Variants in GLYR1 observed in about 807,000 individuals in gnomAD.
GLYR1 encodes the protein cytokine-like nuclear factor N-PAC.
Under a neutral mutation model 72.7 loss-of-function variants are expected in GLYR1, and 21 were observed. The ratio of observed to expected loss-of-function variants is 0.29; its 90% CI spans 0.20 to 0.42. GLYR1 has a LOEUF of 0.42. GLYR1 is among the 10% of genes least tolerant of loss of function. The pLI is 1.00. For missense variants in GLYR1, 594 were observed against 712.1 expected (o/e 0.83, Z 1.89); for synonymous variants, 392 against 270.2 (o/e 1.45, Z -4.42).
At position 4,811,302 on chromosome 16, in the gene GLYR1, G is replaced by A; in HGVS notation, c.1463-8C>T. ...AGTTTCCTTGCAGGATATCTGAGGA[G>A]AAAAAGCCAGTATCAGACAAAAGCC... is the stretch of plus-strand genomic sequence containing the variant. On this transcript the variant is annotated splice_polypyrimidine_tract_variant and splice_region_variant and intron_variant, in intron 14 of 15. Transcript: ENST00000321919. The A allele has an allele frequency of 6.2e-7, 1 of 1,612,438 alleles. No individual in the cohort carries two copies. Among genetic ancestry groups the A allele is most frequent in the East Asian group, 2.2e-5 (1 of 44,874 alleles).
At chr16:4,827,537 C>G (rs1306128321) in intron 5 of GLYR1, among the ~76,000 whole-genome samples, 1 of 152,084 alleles carries the variant, frequency 6.6e-6, no homozygotes, top group Non-Finnish European at 1.5e-5. Flanking sequence ...ACAGACACAC[C>G]TCGTTTTATT....
rs1307246080 is a variant in GLYR1, at chr16:4,843,636, T to C, written c.155+1438A>G. ...ATGAAACCAGGAAGAGCATCTGACA[T>C]ATAAACTCCTGGATGAGTGAAGAAT... On this transcript the variant is annotated intron_variant, in intron 3 of 15. Transcript: ENST00000321919. 8 of 1,288,844 alleles carry C rather than the reference T, an allele frequency of 6.2e-6. No individual in the cohort carries two copies. The African/African-American group carries it at 1.2e-4, about 20-fold the overall frequency. 79.8% of individuals were successfully genotyped at this position (1,288,844 alleles called of 1,614,324 possible). A position where few individuals can be genotyped will look rare whatever the true frequency, so the allele number is the denominator to read the frequency against.
At chr16:4,832,531 A>T (rs1292967105) in intron 4 of GLYR1, 2 of 574,168 alleles carry the variant, frequency 3.5e-6, no homozygotes. Flanking sequence ...CTAGACTCAA[A>T]TGCTGAGATA....
rs1465352923 is a variant in GLYR1 at position 4,832,903 on chromosome 16, G to T, written c.165C>A (p.Ile55=). The change falls in exon 4 of 16, where the codon ATC becomes ATA. Residue 55 remains isoleucine (I), a synonymous_variant. Coordinates refer to ENST00000321919, the MANE Select transcript of GLYR1 (RefSeq NM_032569.4). ...GATATGGCTTCAGCTGTTCCACTTTGATCCAGGCACTAGCAGAAAACAAAC... is the reference window on the plus strand; with the variant it reads ...GATATGGCTTCAGCTGTTCCACTTTTATCCAGGCACTAGCAGAAAACAAAC... ...KFFGTEDHAW[I]KVEQLKPYHA... The T allele has an allele frequency of 1.2e-6, 2 of 1,610,458 alleles. No homozygotes were observed. Among genetic ancestry groups the T allele is most frequent in the Non-Finnish European group, 1.7e-6 (2 of 1,178,486 alleles).
intron 6 of GLYR1, among the ~76,000 whole-genome samples, chr16:4,823,257 T>C (rs1057443330): frequency 5.3e-5 from 8 of 152,248 alleles, no homozygotes; most frequent in Admixed American, 1.3e-4. Flanking sequence ...GCACAGCAGA[T>C]AACCCAGCAA....
chr16:4,832,702 A>G, intron 4 of GLYR1, 72 bp downstream of exon 4: 1 of 1,492,438 alleles, frequency 6.7e-7, no homozygotes, highest in African/African-American at 1.4e-5. Context: ...TTTGGGTGAC[A>G]TTTAATCTGT....
chr16:4,812,251 G>A lies in GLYR1; in HGVS notation c.1120-3C>T, dbSNP rs2083359469. ...CGCCCCCCCCTGGACACAATCACCTGGAAAGAAAAGTCACAGCTTCTGGAG... is the reference window on the plus strand; with the variant it reads ...CGCCCCCCCCTGGACACAATCACCTAGAAAGAAAAGTCACAGCTTCTGGAG... On this transcript the variant is annotated splice_region_variant and splice_polypyrimidine_tract_variant and intron_variant, in intron 12 of 15. Coordinates refer to ENST00000321919, the MANE Select transcript of GLYR1 (RefSeq NM_032569.4). 6.2e-7 allele frequency: 1 copy of A among 1,611,102 alleles called. No individual in the cohort carries two copies. The highest frequency in any genetic ancestry group is 8.5e-7 in the Non-Finnish European group (1 of 1,179,378).
At chr16:4,815,461 C>T (rs1218740449) in intron 10 of GLYR1, among the ~76,000 whole-genome samples, 2 of 152,332 alleles carry the variant, frequency 1.3e-5, no homozygotes, top group East Asian at 1.9e-4. Flanking sequence ...CTGTGATTTA[C>T]CTAATGGCTG....
intron 15 of GLYR1, among the ~76,000 whole-genome samples, chr16:4,805,822 A>T (rs2082935756): frequency 6.6e-6 from 1 of 151,838 alleles, no homozygotes; most frequent in South Asian, 2.1e-4. Context: ...AAAAAAAAAA[A>T]TACAAAAAAT....
chr16:4,822,154 T>C (rs1008052702), intron 7 of GLYR1, among the ~76,000 whole-genome samples: 48 of 152,202 alleles, frequency 3.2e-4, no homozygotes, highest in Non-Finnish European at 8.8e-5. Flanking sequence ...TGGCACCATC[T>C]CGGCTTGCTG....
rs962332286 is a variant in GLYR1, at chr16:4,821,312, T to TG, written c.806+67dup. Reference sequence around the variant, plus strand: ...GGACACAACCCTTAAAGAACCCCCCTGGGGTCACCTTCTCCCCACCCTCAG... The same window carrying TG: ...GGACACAACCCTTAAAGAACCCCCCTGGGGGTCACCTTCTCCCCACCCTCAG... On this transcript the variant is annotated intron_variant, in intron 9 of 15. Transcript: ENST00000321919. 9 of 1,529,890 alleles carry TG rather than the reference T, an allele frequency of 5.9e-6. No individual in the cohort carries two copies. The African/African-American group carries it at 9.6e-5, about 16-fold the overall frequency. The allele number at this position is 1,529,890 out of a possible 1,614,324, so 94.8% of individuals were successfully genotyped here. A position where few individuals can be genotyped will look rare whatever the true frequency, so the allele number is the denominator to read the frequency against.
chr16:4,825,498 TTA>T lies in GLYR1; in HGVS notation c.538-1593_538-1592del, dbSNP rs1460427604. On this transcript the variant is annotated intron_variant, in intron 5 of 15. Transcript: ENST00000321919. ...CAGAGTGGCTTCACCTGACCTCTTT[TTA>T]TGTTTGCCCATAGAACATGATGCTG... Among the ~76,000 whole-genome samples the T allele has an allele frequency of 2.0e-5, 3 of 152,336 alleles. No homozygotes were observed. The East Asian group carries it at 5.8e-4, about 29-fold the overall frequency.
chr16:4,823,001 C>T, intron 6 of GLYR1, 70 bp from the exon 7 acceptor site: 3 of 1,231,318 alleles, frequency 2.4e-6, no homozygotes, highest in Non-Finnish European at 2.4e-6. Context: ...TCCCTGGTAA[C>T]TGGACTCTCC....
intron 15 of GLYR1, among the ~76,000 whole-genome samples, chr16:4,809,302 G>C (rs1385065649): frequency 6.8e-6 from 1 of 147,846 alleles, no homozygotes; most frequent in African/African-American, 2.5e-5. Flanking sequence ...GCAATTCTCT[G>C]CCTCAGCCTC....
At chr16:4,833,184 T>G in intron 3 of GLYR1, 2 of 297,888 alleles carry the variant, frequency 6.7e-6, no homozygotes, top group South Asian at 1.0e-4. Flanking sequence ...TTGCAGATTA[T>G]TTATTTCCAC....
At chr16:4,846,486 G>A (rs1284674996) in intron 1 of GLYR1, among the ~76,000 whole-genome samples, 2 of 152,202 alleles carry the variant, frequency 1.3e-5, no homozygotes, top group Admixed American at 1.3e-4. Flanking sequence ...GGGGGTGGGA[G>A]GACAGCTTCC....
chr16:4,818,700 CA>C (rs777918467), intron 9 of GLYR1, among the ~76,000 whole-genome samples: 4 of 152,140 alleles, frequency 2.6e-5, no homozygotes, highest in Non-Finnish European at 4.4e-5. Context: ...CTCTCTTTCC[CA>C]ACTTCAATTC....
chr16:4,844,323 C>A (rs948404631), intron 3 of GLYR1, among the ~76,000 whole-genome samples: 1 of 152,050 alleles, frequency 6.6e-6, no homozygotes, highest in African/African-American at 2.4e-5. Context: ...AAAAGACTTA[C>A]TATAACAATG....
At chr16:4,832,488 T>A (rs935293692) in intron 4 of GLYR1, 3 of 574,882 alleles carry the variant, frequency 5.2e-6, no homozygotes, top group Non-Finnish European at 9.0e-6. Flanking sequence ...ATGCTCCTAA[T>A]CTGTGTGCTA....
Sources: allele counts gnomAD v4.1 joint callset (sites outside exome capture counted in the v4.1 genomes callset), GRCh38; gene constraint gnomAD v4.1.1; transcripts MANE v1.5; gene names NCBI Gene and HGNC (gene_info 2026-07-23, HGNC 2026-07-21).